ANKRD10: variants seen among roughly 807,000 people sequenced by gnomAD.
The protein encoded by ANKRD10 is ankyrin repeat domain-containing protein 10.
ANKRD10 carries 14 observed loss-of-function variants against 27.0 expected under a neutral mutation model. That is an observed-to-expected ratio of 0.52 (90% CI 0.34 to 0.81). ANKRD10 has a LOEUF of 0.81. Ranked by LOEUF, ANKRD10 falls within the 40% of genes least tolerant of loss-of-function variation. ANKRD10 has a pLI of 0.01. For synonymous variants in ANKRD10, 250 were observed against 224.5 expected (o/e 1.11, Z -1.01); for missense variants, 493 against 544.0 (o/e 0.91, Z 0.93).
chr13:110,898,519 T>C (rs937825480), intron 3 of ANKRD10, among the ~76,000 whole-genome samples: 1 of 152,226 alleles, frequency 6.6e-6, no homozygotes, highest in African/African-American at 2.4e-5. Context: ...TACTTTGTTC[T>C]GTCACAGTAC....
At chr13:110,900,577 A>T (rs2065355270) in intron 3 of ANKRD10, 8 of 1,351,456 alleles carry the variant, frequency 5.9e-6, no homozygotes, top group Non-Finnish European at 7.8e-6. Context: ...CTGAACATTC[A>T]ATGCCACAAC....
chr13:110,905,076 A>T (rs1165297305), intron 3 of ANKRD10: 1 of 152,106 alleles, frequency 6.6e-6, no homozygotes, highest in Non-Finnish European at 1.5e-5. Flanking sequence ...CACATTTCTG[A>T]TTAGAATAAT....
intron 4 of ANKRD10, among the ~76,000 whole-genome samples, chr13:110,885,480 G>A (rs928611593): frequency 3.3e-5 from 5 of 152,048 alleles, no homozygotes; most frequent in African/African-American, 1.2e-4. Context: ...CCCAGGAGGC[G>A]GAGGTTGCAT....
At chr13:110,882,086 G>C (rs1037452049) in intron 5 of ANKRD10, among the ~76,000 whole-genome samples, 2 of 152,146 alleles carry the variant, frequency 1.3e-5, no homozygotes, top group Non-Finnish European at 2.9e-5. Context: ...CAACCCCATA[G>C]AGAAGATCAG....
intron 3 of ANKRD10, among the ~76,000 whole-genome samples, chr13:110,896,369 T>G (rs2065226818): frequency 6.6e-6 from 1 of 152,256 alleles, no homozygotes; most frequent in African/African-American, 2.4e-5. Context: ...TACAGTTTAA[T>G]TTGTTAGCAT....
chr13:110,881,996 G>A (rs1457358629), intron 5 of ANKRD10, among the ~76,000 whole-genome samples: 5 of 152,028 alleles, frequency 3.3e-5, no homozygotes, highest in Non-Finnish European at 5.9e-5. Context: ...CTGTCTGCCC[G>A]GCCAGCCCTC....
intron 1 of ANKRD10, 199 bp downstream of exon 1, chr13:110,914,526 C>T (rs1284778874): frequency 6.2e-6 from 4 of 647,922 alleles, no homozygotes; most frequent in Non-Finnish European, 8.6e-6. Context: ...CGCCCCGCGC[C>T]CCCCGGCTGC....
chr13:110,890,436 TCACA>T (rs1428960260), intron 4 of ANKRD10, among the ~76,000 whole-genome samples: 1 of 152,144 alleles, frequency 6.6e-6, no homozygotes, highest in Non-Finnish European at 1.5e-5. Flanking sequence ...CCATCTATGC[TCACA>T]CAGACACAAA....
intron 2 of ANKRD10, among the ~76,000 whole-genome samples, chr13:110,910,045 G>A (rs2065651586): frequency 6.6e-6 from 1 of 152,180 alleles, no homozygotes; most frequent in African/African-American, 2.4e-5. Flanking sequence ...CTAACAATCT[G>A]AATGCGTGTG....
chr13:110,893,454 AAGATTTGGG>A (rs1369835403), intron 3 of ANKRD10, among the ~76,000 whole-genome samples, 191 bp from the exon 4 acceptor site: 1 of 152,246 alleles, frequency 6.6e-6, no homozygotes, highest in Non-Finnish European at 1.5e-5. Context: ...ATTTCTAAGC[AAGATTTGGG>A]AGATAAACTA....
In ANKRD10 at chr13:110,914,813, A is replaced by G; in HGVS notation, c.122T>C (p.Leu41Pro). The G allele has an allele frequency of 6.3e-7, 1 of 1,590,280 alleles. No individual in the cohort carries two copies. The highest frequency in any genetic ancestry group is 8.6e-7 in the Non-Finnish European group (1 of 1,169,306). The part of the protein sequence containing the change: ...RDGDLATLCS[L>P]LQQTPHAHLA... The stretch of plus-strand genomic sequence containing the variant: ...GTGGGCGTGGGGTGTCTGCTGCAGC[A>G]GCGAGCAGAGCGTGGCCAGGTCCCC... The change falls in exon 1 of 6, where the codon CTG (leucine) becomes CCG (proline). Residue 41 changes from leucine to proline, a missense_variant. Leu to Pro is a moderately conservative substitution (Grantham distance 98). Transcript: ENST00000267339.
chr13:110,904,830 T>C (rs2065484517), intron 3 of ANKRD10, among the ~76,000 whole-genome samples: 1 of 152,208 alleles, frequency 6.6e-6, no homozygotes, highest in African/African-American at 2.4e-5. Context: ...CAGATCACTA[T>C]ATAAGGATCA....
intron 3 of ANKRD10, among the ~76,000 whole-genome samples, chr13:110,897,870 T>C (rs2065271608): frequency 6.6e-6 from 1 of 152,238 alleles, no homozygotes; most frequent in African/African-American, 2.4e-5. Flanking sequence ...GTTACTGTCT[T>C]TTGGTAACTG....
intron 3 of ANKRD10, 130 bp downstream of exon 3, chr13:110,905,901 TTC>T: frequency 2.5e-6 from 2 of 802,964 alleles, no homozygotes; most frequent in South Asian, 3.8e-5. Flanking sequence ...ACACCAACTG[TTC>T]TAAAAGGCAA....
intron 3 of ANKRD10, among the ~76,000 whole-genome samples, chr13:110,896,202 G>A (rs549810251): frequency 2.0e-5 from 3 of 152,318 alleles, no homozygotes; most frequent in Admixed American, 6.5e-5. Flanking sequence ...GAATTACTTA[G>A]AGGAGACTGT....
intron 3 of ANKRD10, chr13:110,904,121 TAA>T (rs1361923485): frequency 6.6e-6 from 1 of 152,256 alleles, no homozygotes; most frequent in Admixed American, 6.5e-5. Flanking sequence ...TAGCAATGAA[TAA>T]TGATTACTTG....
At chr13:110,908,178 T>C (rs866026341) in intron 2 of ANKRD10, among the ~76,000 whole-genome samples, 14 of 152,152 alleles carry the variant, frequency 9.2e-5, no homozygotes, top group Admixed American at 2.6e-4. Flanking sequence ...AGTGCCAGAA[T>C]GCTCAAGACA....
At chr13:110,897,585 C>T (rs886908673) in intron 3 of ANKRD10, among the ~76,000 whole-genome samples, 1 of 152,052 alleles carries the variant, frequency 6.6e-6, no homozygotes, top group East Asian at 1.9e-4. Context: ...GGTATATATA[C>T]CACATTTTAT....
At chr13:110,890,299 T>C (rs1341763095) in intron 4 of ANKRD10, among the ~76,000 whole-genome samples, 1 of 152,220 alleles carries the variant, frequency 6.6e-6, no homozygotes, top group Non-Finnish European at 1.5e-5. Flanking sequence ...AATCCTGTTT[T>C]AATGACCAAG....
Sources: allele counts gnomAD v4.1 joint callset (sites outside exome capture counted in the v4.1 genomes callset), GRCh38; gene constraint gnomAD v4.1.1; transcripts MANE v1.5; gene names NCBI Gene and HGNC (gene_info 2026-07-23, HGNC 2026-07-21).